Variants in TMEM132D observed in about 807,000 individuals in gnomAD.
The protein encoded by TMEM132D is transmembrane protein 132D.
TMEM132D carries 21 observed loss-of-function variants against 62.3 expected under a neutral mutation model. That is an observed-to-expected ratio of 0.34 (90% confidence interval 0.24 to 0.49). TMEM132D has a LOEUF of 0.49. TMEM132D is among the 20% of genes least tolerant of loss of function. The pLI, the probability that TMEM132D is intolerant of heterozygous loss-of-function variation, is 0.99. For missense variants in TMEM132D, 1,346 were observed against 1,402.8 expected, an observed-to-expected ratio of 0.96 and a Z score of 0.65; for synonymous variants, 621 against 575.6, an observed-to-expected ratio of 1.08 and a Z score of -1.13.
At chr12:129,574,045 T>C (rs1453848247) in intron 2 of TMEM132D, among the ~76,000 whole-genome samples, 1 of 151,988 alleles carries the variant, frequency 6.6e-6, no homozygotes, top group Non-Finnish European at 1.5e-5. Flanking sequence ...CATCAATTGG[T>C]ACATTTAAGA....
intron 2 of TMEM132D, among the ~76,000 whole-genome samples, chr12:129,674,840 G>A (rs1018099064): frequency 8.6e-5 from 13 of 152,042 alleles, no homozygotes; most frequent in African/African-American, 2.9e-4. Context: ...CGCCTGGCTC[G>A]TTTTATGTTT....
At chr12:129,377,857 C>T (rs1870828045) in intron 3 of TMEM132D, among the ~76,000 whole-genome samples, 2 of 152,180 alleles carry the variant, frequency 1.3e-5, no homozygotes, top group Admixed American at 1.3e-4. Flanking sequence ...CATGTGGACA[C>T]CCTTAAGTAA....
intron 2 of TMEM132D, among the ~76,000 whole-genome samples, chr12:129,632,610 G>A (rs1183469996): frequency 6.6e-6 from 1 of 152,148 alleles, no homozygotes; most frequent in Non-Finnish European, 1.5e-5. Context: ...TGTCCGCTCT[G>A]AGCACTTTGC....
At chr12:129,431,217 A>G (rs1566066420) in intron 3 of TMEM132D, among the ~76,000 whole-genome samples, 1 of 152,198 alleles carries the variant, frequency 6.6e-6, no homozygotes, top group Non-Finnish European at 1.5e-5. Flanking sequence ...ACCGATAAGG[A>G]CGCGGAGCTT....
intron 3 of TMEM132D, among the ~76,000 whole-genome samples, chr12:129,366,918 G>A (rs770942598): frequency 3.9e-4 from 59 of 152,190 alleles, no homozygotes; most frequent in Non-Finnish European, 3.7e-4. Flanking sequence ...GGTGGAATTC[G>A]CACTATGCCC....
chr12:129,778,114 C>CAAAAAAAAAAAAAAAAA, intron 1 of TMEM132D, among the ~76,000 whole-genome samples: 1 of 85,364 alleles, frequency 1.2e-5, no homozygotes, highest in African/African-American at 4.6e-5. Context: ...GACCCTGTCT[C>CAAAAAAAAAAAAAAAAA]AAAAAAAAAA....
intron 1 of TMEM132D, among the ~76,000 whole-genome samples, chr12:129,887,229 C>T (rs1874778441): frequency 6.6e-6 from 1 of 152,124 alleles, no homozygotes; most frequent in South Asian, 2.1e-4. Context: ...ACCGCCCGCC[C>T]CTCCCTGTCT....
At chr12:129,437,968 T>A (rs1872834871) in intron 3 of TMEM132D, among the ~76,000 whole-genome samples, 1 of 143,262 alleles carries the variant, frequency 7.0e-6, no homozygotes, top group South Asian at 2.3e-4. Flanking sequence ...CAACTCCCAC[T>A]TACGAGCAAG....
intron 1 of TMEM132D, among the ~76,000 whole-genome samples, chr12:129,723,715 A>G (rs1311964391): frequency 6.6e-6 from 1 of 152,126 alleles, no homozygotes; most frequent in Non-Finnish European, 1.5e-5. Flanking sequence ...AGTCCTTCTT[A>G]TCTTCTTTAA....
chr12:129,768,622 C>G (rs1305414893), intron 1 of TMEM132D, among the ~76,000 whole-genome samples: 2 of 152,096 alleles, frequency 1.3e-5, no homozygotes, highest in Non-Finnish European at 2.9e-5. Context: ...ATCATCAGTT[C>G]AAGACCTCCC....
At chr12:129,690,823 A>C (rs940575689) in intron 2 of TMEM132D, among the ~76,000 whole-genome samples, 1 of 152,176 alleles carries the variant, frequency 6.6e-6, no homozygotes, top group African/African-American at 2.4e-5. Context: ...AGATGACCTG[A>C]ACCCACTATC....
chr12:129,187,314 GATTT>G (rs774848065), intron 5 of TMEM132D, among the ~76,000 whole-genome samples: 9 of 152,166 alleles, frequency 5.9e-5, no homozygotes, highest in Admixed American at 1.3e-4. Flanking sequence ...AAATTGGGAG[GATTT>G]ATTTGTTACA....
chr12:129,408,006 T>C (rs1871848289), intron 3 of TMEM132D, among the ~76,000 whole-genome samples: 1 of 152,234 alleles, frequency 6.6e-6, no homozygotes, highest in African/African-American at 2.4e-5. Flanking sequence ...ACCTCCTTCT[T>C]ACCCTGGGGC....
chr12:129,189,427 A>G (rs1201035636), intron 5 of TMEM132D, among the ~76,000 whole-genome samples: 1 of 152,160 alleles, frequency 6.6e-6, no homozygotes, highest in Non-Finnish European at 1.5e-5. Flanking sequence ...AATCAGGGCC[A>G]AGAGATTAGA....
At chr12:129,142,199 C>A (rs1233487857) in intron 5 of TMEM132D, among the ~76,000 whole-genome samples, 1 of 152,082 alleles carries the variant, frequency 6.6e-6, no homozygotes, top group Non-Finnish European at 1.5e-5. Context: ...CAACTGGTCA[C>A]AGATTTGTGC....
intron 2 of TMEM132D, among the ~76,000 whole-genome samples, chr12:129,626,463 A>T (rs5801868): frequency 7.3e-4 from 63 of 86,184 alleles, no homozygotes; most frequent in Admixed American, 3.3e-3. Context: ...TTATGTGCCA[A>T]TTTTTTTTTT....
chr12:129,174,240 C>A (rs1448753919), intron 5 of TMEM132D, among the ~76,000 whole-genome samples: 1 of 152,150 alleles, frequency 6.6e-6, no homozygotes, highest in African/African-American at 2.4e-5. Flanking sequence ...CCCCCCACCC[C>A]TCAACAGGCC....
intron 1 of TMEM132D, among the ~76,000 whole-genome samples, chr12:129,884,121 G>A (rs777518202): frequency 6.6e-6 from 1 of 152,012 alleles, no homozygotes; most frequent in Non-Finnish European, 1.5e-5. Context: ...TTGTAGAGAC[G>A]GAGTCTCACT....
At chr12:129,373,044 G>A (rs538359511) in intron 3 of TMEM132D, among the ~76,000 whole-genome samples, 56 of 152,214 alleles carry the variant, frequency 3.7e-4, no homozygotes, top group African/African-American at 1.3e-3. Flanking sequence ...TTGTTAGAGA[G>A]ACCGACTTCC....
Sources: gnomAD v4.1 joint callset for allele counts (sites outside exome capture counted in the v4.1 genomes callset) on GRCh38, gnomAD v4.1.1 for gene constraint, MANE v1.5 for transcripts, NCBI Gene and HGNC (gene_info 2026-07-23, HGNC 2026-07-21) for gene names.